Variants in AKAP19 observed in about 807,000 individuals in gnomAD.
AKAP19 encodes the protein A-kinase anchoring protein 19.
chr2:190,050,643 A>G, the AKAP19 span, among the ~76,000 whole-genome samples: 1 of 152,210 alleles, frequency 6.6e-6, no homozygotes, highest in African/African-American at 2.4e-5. Context: ...TCAGATCAGA[A>G]TCAGAAAAAA....
At chr2:190,182,367 A>T in the AKAP19 span, among the ~76,000 whole-genome samples, 3 of 152,208 alleles carry the variant, frequency 2.0e-5, no homozygotes, top group Non-Finnish European at 4.4e-5. Flanking sequence ...TGACCCAAAA[A>T]TAGTTAAGAA....
the AKAP19 span, among the ~76,000 whole-genome samples, chr2:190,074,111 C>T: frequency 1.3e-5 from 2 of 151,560 alleles, no homozygotes; most frequent in African/African-American, 4.9e-5. Context: ...GTGTGGAGCA[C>T]AGGCATTGTG....
the AKAP19 span, among the ~76,000 whole-genome samples, chr2:189,880,013 C>A: frequency 6.6e-6 from 1 of 152,086 alleles, no homozygotes; most frequent in African/African-American, 2.4e-5. Context: ...TTTAACTTAT[C>A]GAAAAATGTT....
the AKAP19 span, among the ~76,000 whole-genome samples, chr2:190,100,558 T>G: frequency 6.6e-6 from 1 of 151,914 alleles, no homozygotes; most frequent in Non-Finnish European, 1.5e-5. Flanking sequence ...ACTCAGCAGA[T>G]GAAAGAAATG....
At chr2:189,998,726 T>A in the AKAP19 span, among the ~76,000 whole-genome samples, 1 of 151,446 alleles carries the variant, frequency 6.6e-6, no homozygotes, top group African/African-American at 2.4e-5. Flanking sequence ...ATTGCTTTTC[T>A]ATTTTTTCTT....
chr2:190,003,276 C>T, the AKAP19 span, among the ~76,000 whole-genome samples: 3 of 151,844 alleles, frequency 2.0e-5, no homozygotes. Flanking sequence ...ATAATTTTTA[C>T]CTCATATTTT....
At chr2:190,000,166 C>A in the AKAP19 span, among the ~76,000 whole-genome samples, 19 of 152,132 alleles carry the variant, frequency 1.2e-4, no homozygotes, top group Admixed American at 3.3e-4. Flanking sequence ...ACCTTTTTAC[C>A]TTGAACCTCA....
the AKAP19 span, among the ~76,000 whole-genome samples, chr2:189,943,170 C>T: frequency 9.9e-5 from 15 of 152,196 alleles, no homozygotes; most frequent in Non-Finnish European, 1.9e-4. Flanking sequence ...CCTCCCATCA[C>T]AGGCCCAGAG....
the AKAP19 span, among the ~76,000 whole-genome samples, chr2:190,069,230 G>T: frequency 6.7e-6 from 1 of 150,360 alleles, no homozygotes; most frequent in Non-Finnish European, 1.5e-5. Context: ...TCTCCCAGTA[G>T]GGAGAAGTAT....
chr2:189,936,481 A>G, the AKAP19 span, among the ~76,000 whole-genome samples: 8 of 152,184 alleles, frequency 5.3e-5, no homozygotes, highest in African/African-American at 1.9e-4. Flanking sequence ...CAAGTTCCCA[A>G]ATCATGACTA....
chr2:190,096,996 T>A, the AKAP19 span, among the ~76,000 whole-genome samples: 1 of 152,208 alleles, frequency 6.6e-6, no homozygotes. Flanking sequence ...AGTTTTAATG[T>A]GCATTTTGGC....
chr2:190,177,447 G>A, the AKAP19 span, among the ~76,000 whole-genome samples: 4 of 152,154 alleles, frequency 2.6e-5, no homozygotes, highest in East Asian at 5.8e-4. This position sits in a 1 kb window ranked among gnomAD's most constrained non-coding sequence, Gnocchi z 4.6. Context: ...TGATATGCTT[G>A]TAAGAGCCCC....
At chr2:190,095,020 C>T in the AKAP19 span, among the ~76,000 whole-genome samples, 3 of 152,140 alleles carry the variant, frequency 2.0e-5, no homozygotes, top group South Asian at 2.1e-4. Context: ...GTCAGGAGTT[C>T]GAGACCAGCC....
chr2:190,005,583 C>T, the AKAP19 span, among the ~76,000 whole-genome samples: 3 of 152,196 alleles, frequency 2.0e-5, no homozygotes, highest in African/African-American at 4.8e-5. Context: ...CTGGTCTCTA[C>T]AGAGCTCTGT....
the AKAP19 span, among the ~76,000 whole-genome samples, chr2:190,197,414 G>A: frequency 6.6e-6 from 1 of 152,162 alleles, no homozygotes; most frequent in African/African-American, 2.4e-5. This position sits in a 1 kb window ranked among gnomAD's most constrained non-coding sequence, Gnocchi z 4.0. Context: ...GGAAGTAATC[G>A]TTTGCTAACA....
chr2:190,059,513 TAATG>T, the AKAP19 span, among the ~76,000 whole-genome samples: 1 of 151,906 alleles, frequency 6.6e-6, no homozygotes, highest in Non-Finnish European at 1.5e-5. Flanking sequence ...ATCCTACAAA[TAATG>T]AACATATTTA....
the AKAP19 span, among the ~76,000 whole-genome samples, chr2:189,999,237 A>G: frequency 6.6e-6 from 1 of 152,024 alleles, no homozygotes; most frequent in East Asian, 1.9e-4. Flanking sequence ...ATTTACCTGT[A>G]AGCACTGCTT....
chr2:189,986,771 G>A, the AKAP19 span, among the ~76,000 whole-genome samples: 4 of 152,060 alleles, frequency 2.6e-5, no homozygotes, highest in Non-Finnish European at 5.9e-5. Context: ...TTTTAGTAAT[G>A]TATTATAAGA....
At chr2:190,111,478 G>C in the AKAP19 span, among the ~76,000 whole-genome samples, 2 of 152,090 alleles carry the variant, frequency 1.3e-5, no homozygotes, top group African/African-American at 4.8e-5. Flanking sequence ...CACTGTAAAG[G>C]CATTGGGAGG....
Sources: gnomAD v4.1 joint callset for allele counts (sites outside exome capture counted in the v4.1 genomes callset) on GRCh38, gnomAD v4.1.1 for gene constraint, Gnocchi (gnomAD v3.1) non-coding constraint, MANE v1.5 for transcripts, NCBI Gene and HGNC (gene_info 2026-07-23, HGNC 2026-07-21) for gene names.